The following NKAIN2 variants were observed in gnomAD, a reference collection of about 807,000 sequenced individuals.
The protein encoded by NKAIN2 is sodium/potassium transporting ATPase interacting 2.
In NKAIN2, 14 loss-of-function variants were observed where a neutral mutation model predicts 32.6. The observed-to-expected ratio is 0.43, with a 90% CI of 0.28 to 0.67. The LOEUF is 0.67. NKAIN2 is among the 30% of genes least tolerant of loss of function. NKAIN2 has a pLI of 0.17. For synonymous variants in NKAIN2, 80 were observed against 87.2 expected (o/e 0.92, Z 0.46); for missense variants, 198 against 258.3 (o/e 0.77, Z 1.60).
At chr6:124,732,783 C>T (rs1454957080) in intron 4 of NKAIN2, among the ~76,000 whole-genome samples, 3 of 151,814 alleles carry the variant, frequency 2.0e-5, no homozygotes, top group Admixed American at 2.0e-4. Flanking sequence ...GAAAACTAAA[C>T]ATAATTTTAC....
At chr6:124,445,197 AC>A (rs1177429469) in intron 3 of NKAIN2, among the ~76,000 whole-genome samples, 5 of 152,114 alleles carry the variant, frequency 3.3e-5, no homozygotes, top group African/African-American at 1.2e-4. Context: ...CTGAAAAGAT[AC>A]ACAAAAAATT....
intron 4 of NKAIN2, among the ~76,000 whole-genome samples, chr6:124,722,649 A>G (rs1038056069): frequency 1.3e-5 from 2 of 152,232 alleles, no homozygotes; most frequent in African/African-American, 4.8e-5. Context: ...TCATAATGTA[A>G]TGCTCCCTTG....
At chr6:124,333,043 T>C (rs1213772796) in intron 2 of NKAIN2, among the ~76,000 whole-genome samples, 1 of 152,150 alleles carries the variant, frequency 6.6e-6, no homozygotes, top group East Asian at 1.9e-4. Context: ...AATTGAATTC[T>C]AGAAATCTGC....
intron 3 of NKAIN2, among the ~76,000 whole-genome samples, chr6:124,488,758 A>G (rs1241648469): frequency 6.6e-6 from 1 of 152,028 alleles, no homozygotes; most frequent in African/African-American, 2.4e-5. Flanking sequence ...TGCAAGCAAT[A>G]TAATAAAGCT....
chr6:124,403,761 T>C (rs962376884), intron 3 of NKAIN2, among the ~76,000 whole-genome samples: 1 of 152,204 alleles, frequency 6.6e-6, no homozygotes, highest in Non-Finnish European at 1.5e-5. Context: ...TACATTCTTC[T>C]GACCTTGCCT....
intron 3 of NKAIN2, among the ~76,000 whole-genome samples, chr6:124,574,607 A>T (rs1210906465): frequency 6.6e-6 from 1 of 152,188 alleles, no homozygotes; most frequent in African/African-American, 2.4e-5. Flanking sequence ...CGACAGAGCA[A>T]GACTCTGTCT....
intron 1 of NKAIN2, among the ~76,000 whole-genome samples, chr6:124,004,881 TAAC>T (rs1177986240): frequency 7.6e-6 from 1 of 131,610 alleles, no homozygotes; most frequent in African/African-American, 2.9e-5. Context: ...AAAGTAATAA[TAAC>T]AACAAAAAAA....
chr6:124,694,427 G>T (rs2114548059), intron 4 of NKAIN2, among the ~76,000 whole-genome samples: 1 of 152,326 alleles, frequency 6.6e-6, no homozygotes, highest in East Asian at 1.9e-4. Context: ...GAACCGGCAG[G>T]AGTAAATTAG....
At chr6:123,868,584 C>G (rs1445774992) in intron 1 of NKAIN2, among the ~76,000 whole-genome samples, 1 of 152,120 alleles carries the variant, frequency 6.6e-6, no homozygotes, top group Non-Finnish European at 1.5e-5. Context: ...AGTAATATCA[C>G]TGATTTGATG....
chr6:124,422,048 G>A (rs530218488), intron 3 of NKAIN2, among the ~76,000 whole-genome samples: 1 of 152,072 alleles, frequency 6.6e-6, no homozygotes, highest in Middle Eastern at 3.4e-3. Context: ...GATGAAGCAA[G>A]ATGCAAATGA....
chr6:124,355,409 A>G, intron 3 of NKAIN2, 62 bp downstream of exon 3: 2 of 900,194 alleles, frequency 2.2e-6, no homozygotes, highest in Non-Finnish European at 1.9e-6. Context: ...TTCCTAAGTA[A>G]GGCAGAGTCT....
chr6:124,768,169 T>C (rs934869248), intron 4 of NKAIN2, among the ~76,000 whole-genome samples: 2 of 152,180 alleles, frequency 1.3e-5, no homozygotes, highest in African/African-American at 4.8e-5. Flanking sequence ...TCATTTTGAT[T>C]CAAGGAGATG....
intron 3 of NKAIN2, among the ~76,000 whole-genome samples, chr6:124,453,384 C>A (rs1776195060): frequency 7.0e-6 from 1 of 142,364 alleles, no homozygotes; most frequent in African/African-American, 2.7e-5. Context: ...TGAGGTCAAT[C>A]AGGAGGCTCC....
intron 4 of NKAIN2, among the ~76,000 whole-genome samples, chr6:124,766,153 A>G (rs1047428484): frequency 1.7e-4 from 26 of 152,166 alleles, no homozygotes; most frequent in African/African-American, 6.3e-4. Context: ...TTGATTTCAT[A>G]TTTTGCACCA....
intron 1 of NKAIN2, among the ~76,000 whole-genome samples, chr6:124,257,068 AT>A (rs1314384062): frequency 1.3e-5 from 2 of 148,790 alleles, no homozygotes; most frequent in South Asian, 4.3e-4. Flanking sequence ...TTTTGTTTTT[AT>A]TTTTTTTTCA....
intron 1 of NKAIN2, among the ~76,000 whole-genome samples, chr6:124,169,195 C>T (rs527771111): frequency 4.4e-4 from 67 of 152,086 alleles, no homozygotes; most frequent in African/African-American, 1.5e-3. Flanking sequence ...TGATAAATTT[C>T]TGTGTTTTTT....
intron 2 of NKAIN2, among the ~76,000 whole-genome samples, chr6:124,312,147 A>T (rs1488040637): frequency 1.3e-5 from 2 of 152,176 alleles, no homozygotes; most frequent in South Asian, 4.1e-4. Context: ...TGCTATGGTC[A>T]TCCTTCCTTC....
intron 3 of NKAIN2, among the ~76,000 whole-genome samples, chr6:124,411,177 T>G (rs1302282934): frequency 6.6e-6 from 1 of 152,192 alleles, no homozygotes; most frequent in Non-Finnish European, 1.5e-5. Flanking sequence ...TTTAGCCCAT[T>G]TACATTTAAG....
At chr6:124,088,434 T>G (rs536291065) in intron 1 of NKAIN2, among the ~76,000 whole-genome samples, 1 of 152,026 alleles carries the variant, frequency 6.6e-6, no homozygotes, top group African/African-American at 2.4e-5. Flanking sequence ...AATAAACCAC[T>G]GGCAAGGAGC....
Sources: allele counts gnomAD v4.1 joint callset (sites outside exome capture counted in the v4.1 genomes callset), GRCh38; gene constraint gnomAD v4.1.1; transcripts MANE v1.5; gene names NCBI Gene and HGNC (gene_info 2026-07-23, HGNC 2026-07-21).